Variants in PDE4D observed in about 807,000 individuals in gnomAD.
PDE4D encodes phosphodiesterase 4D.
PDE4D carries 24 observed loss-of-function variants against 87.4 expected under a neutral mutation model. The observed-to-expected ratio is 0.27, with a 90% CI of 0.20 to 0.39. The LOEUF is 0.39. PDE4D is among the 10% of genes least tolerant of loss of function. PDE4D has a pLI of 1.00. For missense variants in PDE4D, 714 were observed against 1,041.0 expected, an observed-to-expected ratio of 0.69 and a Z score of 4.32; for synonymous variants, 384 against 383.2, an observed-to-expected ratio of 1.00 and a Z score of -0.02.
intron 1 of PDE4D, among the ~76,000 whole-genome samples, chr5:59,217,542 CT>C (rs2153507162): frequency 6.6e-6 from 1 of 152,214 alleles, no homozygotes; most frequent in Admixed American, 6.5e-5. Flanking sequence ...GTTTTTCCAA[CT>C]TAAAATTTTC....
At chr5:59,668,262 A>C (rs1746404657) in intron 1 of PDE4D, among the ~76,000 whole-genome samples, 1 of 152,254 alleles carries the variant, frequency 6.6e-6, no homozygotes, top group Non-Finnish European at 1.5e-5. Flanking sequence ...ATGAATATGT[A>C]AAAGCAAGAG....
chr5:59,685,929 T>C (rs1749789994), intron 1 of PDE4D, among the ~76,000 whole-genome samples: 2 of 152,288 alleles, frequency 1.3e-5, no homozygotes, highest in East Asian at 1.9e-4. Flanking sequence ...GTTTCAAAAA[T>C]GGTGATGTAC....
intron 1 of PDE4D, among the ~76,000 whole-genome samples, chr5:59,531,309 G>T (rs956688477): frequency 1.3e-5 from 2 of 152,114 alleles, no homozygotes; most frequent in Non-Finnish European, 2.9e-5. Context: ...ATGTTAACCT[G>T]GAGGGCTACC....
At chr5:60,189,617 C>A (rs1274365305) in intron 1 of PDE4D, among the ~76,000 whole-genome samples, 1 of 152,188 alleles carries the variant, frequency 6.6e-6, no homozygotes, top group Non-Finnish European at 1.5e-5. Context: ...GGATTCCAAT[C>A]ATCCACAAAA....
intron 1 of PDE4D, among the ~76,000 whole-genome samples, chr5:59,708,374 C>G (rs773604269): frequency 6.6e-6 from 1 of 152,048 alleles, no homozygotes; most frequent in Non-Finnish European, 1.5e-5. Flanking sequence ...TCAAGGAATA[C>G]AGGAGCTGAT....
At chr5:60,219,082 A>AT (rs1268032190) in intron 1 of PDE4D, among the ~76,000 whole-genome samples, 2 of 152,188 alleles carry the variant, frequency 1.3e-5, no homozygotes, top group African/African-American at 4.8e-5. Context: ...CTAGCTAATC[A>AT]TTAAAGTACA....
intron 3 of PDE4D, among the ~76,000 whole-genome samples, chr5:59,985,552 T>C (rs1762376035): frequency 6.6e-6 from 1 of 152,214 alleles, no homozygotes; most frequent in Non-Finnish European, 1.5e-5. Context: ...CTTCCAAATG[T>C]AATAACAATA....
intron 1 of PDE4D, among the ~76,000 whole-genome samples, chr5:60,369,013 C>T (rs1760789285): frequency 6.6e-6 from 1 of 152,098 alleles, no homozygotes; most frequent in South Asian, 2.1e-4. Flanking sequence ...ATAACCCAGC[C>T]ATGGTGCTGG....
chr5:59,454,543 C>T (rs1015574083), intron 1 of PDE4D, among the ~76,000 whole-genome samples: 2 of 152,098 alleles, frequency 1.3e-5, no homozygotes, highest in African/African-American at 4.8e-5. Context: ...CTCTTTTTCT[C>T]CCCAGTCTCA....
intron 1 of PDE4D, among the ~76,000 whole-genome samples, chr5:59,473,785 A>T (rs1052244269): frequency 2.6e-5 from 4 of 152,158 alleles, no homozygotes; most frequent in African/African-American, 9.6e-5. Flanking sequence ...TGAAAGAATG[A>T]TGCAGACCAC....
intron 5 of PDE4D, among the ~76,000 whole-genome samples, chr5:59,080,283 C>T (rs955842334): frequency 5.3e-5 from 8 of 152,116 alleles, no homozygotes; most frequent in Non-Finnish European, 8.8e-5. Context: ...TGAACGTGAC[C>T]CTGGCACTCT....
intron 5 of PDE4D, among the ~76,000 whole-genome samples, chr5:59,056,966 C>T (rs1479751870): frequency 6.6e-6 from 1 of 152,046 alleles, no homozygotes; most frequent in Non-Finnish European, 1.5e-5. Context: ...CTTTTTGCTC[C>T]CATTATGTGC....
intron 1 of PDE4D, among the ~76,000 whole-genome samples, chr5:59,227,532 G>A (rs1489472803): frequency 7.2e-5 from 11 of 152,088 alleles, no homozygotes; most frequent in Admixed American, 1.3e-4. Context: ...AATCTACAAC[G>A]AAATTAAACG....
At chr5:60,420,405 A>G (rs990640595) in intron 1 of PDE4D, among the ~76,000 whole-genome samples, 19 of 152,202 alleles carry the variant, frequency 1.2e-4, no homozygotes, top group African/African-American at 4.6e-4. Context: ...TTGGACTAAC[A>G]AAGCCTAAAA....
chr5:59,927,019 G>T (rs1469531031), intron 3 of PDE4D, among the ~76,000 whole-genome samples: 1 of 152,132 alleles, frequency 6.6e-6, no homozygotes, highest in Non-Finnish European at 1.5e-5. Flanking sequence ...CACATTCTAT[G>T]AGGTATGGGA....
chr5:59,314,302 G>A (rs1773255703), intron 1 of PDE4D: 1 of 151,970 alleles, frequency 6.6e-6, no homozygotes, highest in Non-Finnish European at 1.5e-5. Context: ...GGACTCCTGG[G>A]GCCACAAGGA....
At chr5:59,326,152 G>T (rs1387027979) in intron 1 of PDE4D, among the ~76,000 whole-genome samples, 1 of 151,966 alleles carries the variant, frequency 6.6e-6, no homozygotes, top group Non-Finnish European at 1.5e-5. Context: ...AGCATTAGGA[G>T]ATATACCTAA....
At chr5:59,668,762 AAAGAAGAAGAAGAAAG>A (rs1338117240) in intron 1 of PDE4D, among the ~76,000 whole-genome samples, 5 of 138,138 alleles carry the variant, frequency 3.6e-5, no homozygotes, top group African/African-American at 8.2e-5. Context: ...AAGAAAGAAG[AAAGAAGAAGAAGAAAG>A]AAGAAGAAGA....
chr5:59,093,417 GT>G (rs1190009717), intron 5 of PDE4D, among the ~76,000 whole-genome samples: 19 of 152,298 alleles, frequency 1.2e-4, no homozygotes, highest in African/African-American at 3.8e-4. Flanking sequence ...TGCGAAATAG[GT>G]GCTTATTTGA....
Sources: gnomAD v4.1 joint callset for allele counts (sites outside exome capture counted in the v4.1 genomes callset) on GRCh38, gnomAD v4.1.1 for gene constraint, MANE v1.5 for transcripts, NCBI Gene and HGNC (gene_info 2026-07-23, HGNC 2026-07-21) for gene names.